The following SLC10A7 variants were observed in gnomAD, a reference collection of about 807,000 sequenced individuals.
The protein encoded by SLC10A7 is sodium/bile acid cotransporter 7.
A neutral mutation model predicts 43.2 loss-of-function variants in SLC10A7; 29 were observed. The observed-to-expected ratio is 0.67, with a 90% CI of 0.50 to 0.92. SLC10A7 has a LOEUF of 0.92. Ranked by LOEUF, SLC10A7 falls within the 40% of genes least tolerant of loss-of-function variation. The probability of loss-of-function intolerance (pLI) is 0.00; values close to 1 mark genes in which losing one functional copy is unlikely to be tolerated. For synonymous variants in SLC10A7, 152 were observed against 144.8 expected (o/e 1.05, Z -0.35); for missense variants, 295 against 403.2 (o/e 0.73, Z 2.30).
intron 4 of SLC10A7, among the ~76,000 whole-genome samples, chr4:146,444,713 T>C (rs1730891816): frequency 6.6e-6 from 1 of 152,216 alleles, no homozygotes; most frequent in South Asian, 2.1e-4. Flanking sequence ...TCATTCTTAG[T>C]TGTTTGCCAA....
intron 4 of SLC10A7, among the ~76,000 whole-genome samples, chr4:146,450,531 C>T (rs1393393345): frequency 1.3e-5 from 2 of 152,140 alleles, no homozygotes; most frequent in East Asian, 1.9e-4. Context: ...ATGCTGCACT[C>T]ATGCCCATGA....
intron 5 of SLC10A7, among the ~76,000 whole-genome samples, chr4:146,333,143 T>A (rs6840788): frequency 0.73 from 111,351 of 152,088 alleles, 41,289 homozygotes; most frequent in African/African-American, 0.83. Context: ...CTAACTTTAA[T>A]ACTTTGATCA....
intron 5 of SLC10A7, among the ~76,000 whole-genome samples, chr4:146,339,668 T>C (rs927643494): frequency 6.6e-6 from 1 of 152,074 alleles, no homozygotes; most frequent in Non-Finnish European, 1.5e-5. Flanking sequence ...TTGACACCAA[T>C]TTTAAACAGG....
intron 5 of SLC10A7, among the ~76,000 whole-genome samples, chr4:146,393,691 C>T (rs1479142484): frequency 6.6e-6 from 1 of 152,178 alleles, no homozygotes; most frequent in Non-Finnish European, 1.5e-5. Context: ...GTTCAAGATA[C>T]ATTGCTACCT....
intron 11 of SLC10A7, 151 bp downstream of exon 11, chr4:146,258,541 T>C: frequency 3.1e-6 from 2 of 655,478 alleles, no homozygotes; most frequent in South Asian, 2.7e-5. Context: ...TTGGAATGGA[T>C]CAGTGCACCA....
At chr4:146,417,465 C>T (rs1052326925) in intron 5 of SLC10A7, among the ~76,000 whole-genome samples, 6 of 152,130 alleles carry the variant, frequency 3.9e-5, no homozygotes, top group African/African-American at 1.4e-4. Context: ...CAGAGCAACT[C>T]TCATCTCCAG....
intron 4 of SLC10A7, among the ~76,000 whole-genome samples, chr4:146,449,981 G>A (rs553854305): frequency 1.3e-5 from 2 of 152,074 alleles, no homozygotes; most frequent in Admixed American, 1.3e-4. Flanking sequence ...AGGAGGGGTG[G>A]GAATGGGGAA....
intron 4 of SLC10A7, among the ~76,000 whole-genome samples, chr4:146,461,079 C>T (rs1732489551): frequency 6.6e-6 from 1 of 151,918 alleles, no homozygotes; most frequent in African/African-American, 2.4e-5. Flanking sequence ...CTTTTCACGT[C>T]ATTATTTTCA....
At chr4:146,394,845 T>A (rs1403679141) in intron 5 of SLC10A7, among the ~76,000 whole-genome samples, 1 of 152,238 alleles carries the variant, frequency 6.6e-6, no homozygotes, top group Non-Finnish European at 1.5e-5. Flanking sequence ...TTTCTCCATA[T>A]TCTTATTCAT....
chr4:146,258,831 G>C lies in SLC10A7; in HGVS notation c.854C>G (p.Pro285Arg). ...GCCTGCAAACACGATCTTCAGCATC[G>C]GAATTCCTGTTGAACAAAGAAGACA... ...STHKSLTLGI[P>R]MLKIVFAGHE... Residue 285 changes from proline (P) to arginine (R), a missense_variant, in exon 11 of 12, where the codon CCG becomes CGG. Around this residue, in one of 2 missense-constraint regions of SLC10A7, gnomAD observed 242 missense variants for 362.5 expected, o/e 0.67. Coordinates refer to ENST00000335472, the MANE Select transcript of SLC10A7 (RefSeq NM_001029998.6). 6.2e-7 allele frequency: 1 copy of C among 1,606,134 alleles called. No individual in the cohort carries two copies. The highest frequency in any genetic ancestry group is 8.5e-7 in the Non-Finnish European group (1 of 1,178,170).
At position 146,312,628 on chromosome 4, in the gene SLC10A7, A is replaced by G. The variant is rs145287313; in HGVS notation, c.472-6619T>C. ...GTAACCTCCCTTCTACTCTGTTTCTATGAGTTTGACTCTTTTAGATTCCAC... is the reference window on the plus strand; with the variant it reads ...GTAACCTCCCTTCTACTCTGTTTCTGTGAGTTTGACTCTTTTAGATTCCAC... On this transcript the variant is annotated intron_variant, in intron 6 of 11. Coordinates refer to ENST00000335472, the MANE Select transcript of SLC10A7 (RefSeq NM_001029998.6). Among the ~76,000 whole-genome samples the G allele has an allele frequency of 4.2e-3, 645 of 152,150 alleles. 9 individuals are homozygous for G. The highest frequency in any genetic ancestry group is 0.037 in the Admixed American group (565 of 15,280).
intron 5 of SLC10A7, among the ~76,000 whole-genome samples, chr4:146,336,291 T>A (rs1313843150): frequency 6.6e-6 from 1 of 152,096 alleles, no homozygotes; most frequent in Non-Finnish European, 1.5e-5. Context: ...AAATTATATT[T>A]CAAACAGAAA....
rs1256644990 is a variant in SLC10A7, at chr4:146,335,250, GTAAAAAAA to G, written c.436-9262_436-9255del. 7.1e-5 allele frequency among the ~76,000 whole-genome samples: 5 copies of G among 70,624 alleles called. No individual in the cohort carries two copies. The South Asian group carries it at 2.0e-3, about 28-fold the overall frequency. 46.3% of individuals were successfully genotyped at this position (70,624 alleles called of 152,430 possible). ...TCATTAAAGTGTTGCCACAGATGTT[GTAAAAAAA>G]AAAAAAAAAAAAAAAAAAAAAAAGA... is the stretch of plus-strand genomic sequence containing the variant. On this transcript the variant is annotated intron_variant, in intron 5 of 11. Coordinates refer to ENST00000335472, the MANE Select transcript of SLC10A7 (RefSeq NM_001029998.6).
At chr4:146,494,716 A>C (rs1735740140) in intron 4 of SLC10A7, among the ~76,000 whole-genome samples, 1 of 152,128 alleles carries the variant, frequency 6.6e-6, no homozygotes, top group Non-Finnish European at 1.5e-5. Flanking sequence ...TGTCTCTCTA[A>C]GACCAGATCT....
intron 5 of SLC10A7, among the ~76,000 whole-genome samples, chr4:146,383,113 T>C (rs1166827166): frequency 2.0e-5 from 3 of 152,186 alleles, no homozygotes; most frequent in Non-Finnish European, 2.9e-5. Flanking sequence ...GTAAGCATTT[T>C]TATTGTTACC....
At chr4:146,351,671 A>T (rs958052835) in intron 5 of SLC10A7, among the ~76,000 whole-genome samples, 2 of 151,924 alleles carry the variant, frequency 1.3e-5, no homozygotes, top group Non-Finnish European at 2.9e-5. Flanking sequence ...AGCCCATCAG[A>T]CTAACAGCGG....
At chr4:146,339,982 C>T (rs1309553199) in intron 5 of SLC10A7, among the ~76,000 whole-genome samples, 1 of 151,320 alleles carries the variant, frequency 6.6e-6, no homozygotes, top group Non-Finnish European at 1.5e-5. Flanking sequence ...CCCCTTGTCC[C>T]CCACCCCGAC....
chr4:146,261,169 C>T (rs1403645349), intron 10 of SLC10A7, among the ~76,000 whole-genome samples: 2 of 152,200 alleles, frequency 1.3e-5, no homozygotes, highest in African/African-American at 4.8e-5. Context: ...AAACACCTGT[C>T]CTTCTGGTCA....
In SLC10A7 at chr4:146,511,419, A is replaced by C. The variant is rs576791186; in HGVS notation, c.184-1370T>G. Among the ~76,000 whole-genome samples, 13 of 152,350 alleles carry C rather than the reference A, an allele frequency of 8.5e-5. 1 individual carries two copies. In the South Asian group the frequency reaches 2.7e-3, roughly 32 times the overall value. Reference sequence around the variant, plus strand: ...CTATGCCAGAGAGTTACTGGTTGTAAGTATAGAACTGCAATGGCCCCTTTG... The same window carrying C: ...CTATGCCAGAGAGTTACTGGTTGTACGTATAGAACTGCAATGGCCCCTTTG... On this transcript the variant is annotated intron_variant, in intron 2 of 11. Transcript: ENST00000335472.
Sources: gnomAD v4.1 joint callset for allele counts (sites outside exome capture counted in the v4.1 genomes callset) on GRCh38, gnomAD v4.1.1 for gene constraint, gnomAD v4.1.1 regional missense constraint, MANE v1.5 for transcripts, NCBI Gene and HGNC (gene_info 2026-07-23, HGNC 2026-07-21) for gene names.